Variants in KIAA1958 observed in about 807,000 individuals in gnomAD.
The protein encoded by KIAA1958 is KIAA1958, also known as uncharacterized protein KIAA1958.
A neutral mutation model predicts 47.2 loss-of-function variants in KIAA1958; 14 were observed. The ratio of observed to expected loss-of-function variants is 0.30; its 90% CI spans 0.20 to 0.46. KIAA1958 has a LOEUF of 0.46. KIAA1958 is among the 20% of genes least tolerant of loss of function. KIAA1958 has a pLI of 1.00. For missense variants in KIAA1958, 803 were observed against 909.2 expected (o/e 0.88, Z 1.50); for synonymous variants, 354 against 353.3 (o/e 1.00, Z -0.02).
intron 1 of KIAA1958, among the ~76,000 whole-genome samples, chr9:112,492,404 T>C (rs2132755158): frequency 1.3e-5 from 2 of 152,340 alleles, no homozygotes; most frequent in Admixed American, 1.3e-4. Context: ...ATTACCTCTA[T>C]TCCAGGCCTT....
intron 1 of KIAA1958, among the ~76,000 whole-genome samples, chr9:112,504,117 A>G (rs1834193284): frequency 6.6e-6 from 1 of 151,928 alleles, no homozygotes; most frequent in African/African-American, 2.4e-5. Flanking sequence ...TAAATCATCT[A>G]AGGAGTTGTT....
At chr9:112,568,080 A>G (rs1203237766) in intron 1 of KIAA1958, among the ~76,000 whole-genome samples, 1 of 152,180 alleles carries the variant, frequency 6.6e-6, no homozygotes, top group Non-Finnish European at 1.5e-5. Flanking sequence ...AACACAGCAG[A>G]ACACTTCATA....
chr9:112,486,855 GGGCGCGCGGAGCTCGGGGCGCACGGAGC>G lies in KIAA1958; in HGVS notation c.-278_-251del, dbSNP rs1036389092. The G allele has an allele frequency of 2.4e-5, 3 of 126,580 alleles. No homozygotes were observed. The highest frequency in any genetic ancestry group is 8.0e-5 in the Admixed American group (1 of 12,534). 7.8% of individuals were successfully genotyped at this position (126,580 alleles called of 1,614,324 possible). A position where few individuals can be genotyped will look rare whatever the true frequency, so the allele number is the denominator to read the frequency against. On this transcript the variant is annotated 5_prime_UTR_variant, in exon 1 of 4. Transcript: ENST00000337530. Reference sequence around the variant, plus strand: ...CTGCCCGCCCGCCGCGCTCCGAGCCGGGCGCGCGGAGCTCGGGGCGCACGGAGCGGCGCGCGGCGGTCGGCCGAGCCAG... The same window carrying G: ...CTGCCCGCCCGCCGCGCTCCGAGCCGGGCGCGCGGCGGTCGGCCGAGCCAG...
chr9:112,545,010 C>T (rs1337378456), intron 1 of KIAA1958, among the ~76,000 whole-genome samples: 1 of 152,040 alleles, frequency 6.6e-6, no homozygotes, highest in Non-Finnish European at 1.5e-5. Flanking sequence ...AAAAACTCTG[C>T]TTAGGATTCA....
intron 2 of KIAA1958, chr9:112,582,065 T>TA (rs1478791877): frequency 2.0e-5 from 4 of 203,840 alleles, no homozygotes; most frequent in African/African-American, 9.3e-5. Context: ...TGGGAAGGCA[T>TA]AGGCACTGGT....
intron 3 of KIAA1958, 55 bp downstream of exon 3, chr9:112,645,877 C>A: frequency 1.3e-6 from 2 of 1,518,368 alleles, no homozygotes; most frequent in Non-Finnish European, 1.8e-6. Context: ...CTTCCAAATG[C>A]CAGGCACTGT....
intron 2 of KIAA1958, among the ~76,000 whole-genome samples, chr9:112,589,043 G>GC (rs951275482): frequency 1.3e-5 from 2 of 151,940 alleles, no homozygotes; most frequent in African/African-American, 4.8e-5. Context: ...GCCTCCCAGA[G>GC]CGCTAGGTTT....
chr9:112,588,841 T>C (rs1380028608), intron 2 of KIAA1958, among the ~76,000 whole-genome samples: 2 of 152,090 alleles, frequency 1.3e-5, no homozygotes, highest in East Asian at 1.9e-4. Flanking sequence ...TCTTCCTTTT[T>C]CCCCCTTGTT....
At position 112,659,618 on chromosome 9, in the gene KIAA1958, TGAACATGCGGACGCTGCAG is replaced by T. The variant is rs1837226284; in HGVS notation, c.1703_1721del (p.Asn568SerfsTer5). 29 of 1,614,062 alleles carry T rather than the reference TGAACATGCGGACGCTGCAG, an allele frequency of 1.8e-5. No individual in the cohort carries two copies. Among genetic ancestry groups the T allele is most frequent in the Non-Finnish European group, 2.5e-5 (29 of 1,179,970 alleles). ...GTGGTCAAGTACAACAGCCAGTACCTGAACATGCGGACGCTGCAGGAGCATGCGGATCTGATGTATGGTG... is the reference window on the plus strand; with the variant it reads ...GTGGTCAAGTACAACAGCCAGTACCTGAGCATGCGGATCTGATGTATGGTG... On this transcript the variant is annotated frameshift_variant, in exon 4 of 4. Transcript: ENST00000337530. LOFTEE classifies it high-confidence loss of function.
At chr9:112,607,748 A>AC (rs1396424630) in intron 2 of KIAA1958, among the ~76,000 whole-genome samples, 2 of 92,696 alleles carry the variant, frequency 2.2e-5, no homozygotes, top group Non-Finnish European at 4.5e-5. Flanking sequence ...GATATCCAAG[A>AC]CAAAAAAAAA....
intron 2 of KIAA1958, among the ~76,000 whole-genome samples, chr9:112,632,671 G>A (rs2131231091): frequency 6.6e-6 from 1 of 152,114 alleles, no homozygotes; most frequent in African/African-American, 2.4e-5. Flanking sequence ...CCTTTTGCTA[G>A]CGAGTTATTT....
At chr9:112,634,540 A>C (rs528404588) in intron 2 of KIAA1958, among the ~76,000 whole-genome samples, 1 of 152,190 alleles carries the variant, frequency 6.6e-6, no homozygotes, top group South Asian at 2.1e-4. Flanking sequence ...CGTTTTGTCC[A>C]TTTTTAATTG....
intron 1 of KIAA1958, among the ~76,000 whole-genome samples, chr9:112,543,731 G>A (rs1834983280): frequency 6.6e-6 from 1 of 151,898 alleles, no homozygotes; most frequent in Non-Finnish European, 1.5e-5. Flanking sequence ...GCGCCACCAT[G>A]CCTGTCTAAT....
chr9:112,519,233 C>T (rs1015367833), intron 1 of KIAA1958, among the ~76,000 whole-genome samples: 12 of 152,186 alleles, frequency 7.9e-5, no homozygotes, highest in African/African-American at 2.9e-4. Context: ...CATGAGCCAT[C>T]ATGCCCAGAC....
chr9:112,539,978 A>G (rs889148963), intron 1 of KIAA1958, among the ~76,000 whole-genome samples: 3 of 152,220 alleles, frequency 2.0e-5, no homozygotes, highest in African/African-American at 4.8e-5. Flanking sequence ...GGCCTGAGCC[A>G]CCGTGCTGGG....
At chr9:112,527,801 G>C (rs915937460) in intron 1 of KIAA1958, among the ~76,000 whole-genome samples, 1 of 151,974 alleles carries the variant, frequency 6.6e-6, no homozygotes, top group African/African-American at 2.4e-5. Flanking sequence ...GCCCGGCATG[G>C]TGGTGCGTGC....
chr9:112,511,397 G>A lies in KIAA1958; in HGVS notation c.-25+24279G>A, dbSNP rs937447380. 4.2e-4 allele frequency among the ~76,000 whole-genome samples: 64 copies of A among 152,340 alleles called. 1 individual carries two copies. Among genetic ancestry groups the A allele is most frequent in the African/African-American group, 1.5e-3 (63 of 41,572 alleles). On this transcript the variant is annotated intron_variant, in intron 1 of 3. Transcript: ENST00000337530. ...TATAATGCACTAAGGATCCATCCGA[G>A]CTTAGTGGTCTTAAATTTGATGTGA...
chr9:112,651,235 A>G (rs537898222), intron 3 of KIAA1958, among the ~76,000 whole-genome samples: 28 of 152,280 alleles, frequency 1.8e-4, no homozygotes, highest in Non-Finnish European at 3.5e-4. Flanking sequence ...AATGCCATGG[A>G]ATATTCACCA....
intron 1 of KIAA1958, among the ~76,000 whole-genome samples, chr9:112,525,021 C>T (rs1834616348): frequency 7.4e-6 from 1 of 135,852 alleles, no homozygotes; most frequent in Non-Finnish European, 1.6e-5. Context: ...AACCTAATAT[C>T]ATTTTATATA....
Sources: gnomAD v4.1 joint callset for allele counts (sites outside exome capture counted in the v4.1 genomes callset) on GRCh38, gnomAD v4.1.1 for gene constraint, MANE v1.5 for transcripts, NCBI Gene and HGNC (gene_info 2026-07-23, HGNC 2026-07-21) for gene names.